The following LMO7 variants were observed in gnomAD, a reference collection of about 807,000 sequenced individuals.
LMO7 encodes the protein LIM domain only protein 7.
A neutral mutation model predicts 206.5 loss-of-function variants in LMO7; 120 were observed. That is an observed-to-expected ratio of 0.58 (90% CI 0.50 to 0.68). The LOEUF (loss-of-function observed/expected upper bound fraction) is 0.68. LMO7 is among the 30% of genes least tolerant of loss of function. The pLI, the probability that LMO7 is intolerant of heterozygous loss-of-function variation, is 0.00. For missense variants in LMO7, 1,959 were observed against 1,957.9 expected, an observed-to-expected ratio of 1.00 and a Z score of -0.01; for synonymous variants, 706 against 681.5, an observed-to-expected ratio of 1.04 and a Z score of -0.56.
chr13:75,849,328 A>C (rs1293795245), intron 27 of LMO7, 36 bp downstream of exon 27: 2 of 1,475,426 alleles, frequency 1.4e-6, no homozygotes, highest in East Asian at 4.5e-5. Context: ...TCTTGTCTTT[A>C]CTGTGAGGCA....
chr13:75,856,878 G>A (rs2061006337), intron 30 of LMO7: 1 of 278,920 alleles, frequency 3.6e-6, no homozygotes, highest in Non-Finnish European at 6.8e-6. Context: ...TATCTGCCCA[G>A]AGTCCGCAGA....
chr13:75,766,614 A>G (rs1329018578), intron 4 of LMO7, among the ~76,000 whole-genome samples: 1 of 152,210 alleles, frequency 6.6e-6, no homozygotes. Context: ...ATAAATGCAC[A>G]GATTTCTCTG....
At position 75,842,926 on chromosome 13, in the gene LMO7, G is replaced by T. The variant is rs2059667765; in HGVS notation, c.4097+10G>T. The T allele has an allele frequency of 6.5e-7, 1 of 1,539,510 alleles. No homozygotes were observed. The highest frequency in any genetic ancestry group is 1.7e-4 in the Middle Eastern group (1 of 5,916). On this transcript the variant is annotated intron_variant, in intron 25 of 30. Transcript: ENST00000377534. ...TTCTTCCTGGTGACAGGTATGTAGA[G>T]CATGTTATTGTAATTTAATTGATGA... is the stretch of plus-strand genomic sequence containing the variant.
intron 4 of LMO7, among the ~76,000 whole-genome samples, chr13:75,775,099 T>C (rs1267771357): frequency 1.3e-5 from 2 of 152,144 alleles, no homozygotes; most frequent in Non-Finnish European, 2.9e-5. Context: ...TAAAACTAGC[T>C]GTTGGAATTA....
chr13:75,760,735 G>A (rs1465787427), intron 3 of LMO7, 197 bp from the exon 4 acceptor site: 2 of 1,535,370 alleles, frequency 1.3e-6, no homozygotes, highest in Non-Finnish European at 1.7e-6. Flanking sequence ...TAGCACGACT[G>A]TGTATGCTCT....
intron 2 of LMO7, among the ~76,000 whole-genome samples, chr13:75,714,402 G>C (rs1188136275): frequency 6.6e-6 from 1 of 152,140 alleles, no homozygotes; most frequent in East Asian, 1.9e-4. Context: ...GTTGCTAGAT[G>C]ATGGGCATGT....
At chr13:75,842,811 GTCT>G (rs2059659144) in intron 24 of LMO7, 37 bp from the exon 25 acceptor site, 1 of 1,274,762 alleles carries the variant, frequency 7.8e-7, no homozygotes, top group South Asian at 1.2e-5. Flanking sequence ...AGGGCTTAAA[GTCT>G]AATATTTTGA....
chr13:75,640,423 G>A (rs908884320), intron 1 of LMO7, among the ~76,000 whole-genome samples: 66 of 152,148 alleles, frequency 4.3e-4, no homozygotes, highest in African/African-American at 1.2e-3. Flanking sequence ...CCATGTTTTC[G>A]TATGAATGGA....
In LMO7 at chr13:75,855,284, C is replaced by T. The variant is rs771293211; in HGVS notation, c.4686C>T (p.Cys1562=). ...GGTCAGTCAGTGGGAAGCGCATATG[C>T]TCCTACTGCAATAACATTCTGGGCA... ...RNRSVSGKRI[C]SYCNNILGKG... is the part of the protein sequence containing the mutation. The change falls in exon 29 of 31, where the codon TGC becomes TGT. Residue 1562 remains cysteine, a synonymous_variant. Transcript: ENST00000377534. The T allele has an allele frequency of 6.8e-6, 11 of 1,613,154 alleles. No homozygotes were observed. The African/African-American group carries it at 1.3e-4, about 20-fold the overall frequency.
intron 4 of LMO7, among the ~76,000 whole-genome samples, chr13:75,764,657 T>A (rs765831179): frequency 4.6e-5 from 7 of 152,296 alleles, no homozygotes; most frequent in East Asian, 3.9e-4. Context: ...AGTCTTGTAT[T>A]TAAACCATTG....
At chr13:75,721,713 A>G (rs1288635792) in intron 2 of LMO7, among the ~76,000 whole-genome samples, 1 of 152,146 alleles carries the variant, frequency 6.6e-6, no homozygotes, top group South Asian at 2.1e-4. Context: ...TTATCCACTC[A>G]TTGATTGATG....
intron 25 of LMO7, among the ~76,000 whole-genome samples, chr13:75,844,555 G>A (rs979511549): frequency 2.0e-5 from 3 of 151,824 alleles, no homozygotes; most frequent in Non-Finnish European, 4.4e-5. Context: ...GACTACGGGC[G>A]CATGCCACCA....
intron 3 of LMO7, among the ~76,000 whole-genome samples, chr13:75,748,821 T>TA (rs2047061831): frequency 6.6e-6 from 1 of 151,522 alleles, no homozygotes. Context: ...CTTTCTTTTT[T>TA]TTTTTTTGAG....
chr13:75,815,157 G>C (rs113748367), intron 11 of LMO7, among the ~76,000 whole-genome samples: 1 of 152,172 alleles, frequency 6.6e-6, no homozygotes, highest in Non-Finnish European at 1.5e-5. Context: ...CTAGGTGGGT[G>C]ATGTGATGTG....
chr13:75,819,495 A>G lies in LMO7; in HGVS notation c.2167A>G (p.Lys723Glu), dbSNP rs762662594. 3.1e-6 allele frequency: 5 copies of G among 1,612,612 alleles called. No individual in the cohort carries two copies. In the Admixed American group the frequency reaches 6.7e-5, roughly 22 times the overall value. The stretch of plus-strand genomic sequence containing the variant: ...TGAAAAGCAGGCACTTGAGAAGTCT[A>G]AGAGAAGCTCTAAGACGTTTAAGGA... ...EIEKQALEKS[K>E]RSSKTFKEML... The change falls in exon 13 of 31, where the codon AAG becomes GAG. Residue 723 changes from lysine (K) to glutamate (E), a missense_variant. Coordinates refer to ENST00000377534, the MANE Select transcript of LMO7 (RefSeq NM_001306080.2).
At chr13:75,845,060 GTCTTCA>G (rs1173037860) in intron 25 of LMO7, among the ~76,000 whole-genome samples, 1 of 152,144 alleles carries the variant, frequency 6.6e-6, no homozygotes, top group Non-Finnish European at 1.5e-5. Context: ...ATAACTTATA[GTCTTCA>G]TCATCATACA....
intron 3 of LMO7, among the ~76,000 whole-genome samples, chr13:75,745,273 A>G (rs1047039525): frequency 6.6e-6 from 1 of 152,076 alleles, no homozygotes; most frequent in Non-Finnish European, 1.5e-5. Context: ...GGTAGGCTAC[A>G]TTTTACTTAA....
At chr13:75,703,329 T>C (rs181153508) in intron 1 of LMO7, among the ~76,000 whole-genome samples, 35 of 152,312 alleles carry the variant, frequency 2.3e-4, no homozygotes, top group Non-Finnish European at 3.8e-4. Flanking sequence ...AGCCTCCTGC[T>C]CTTGGGAGTA....
At chr13:75,681,716 A>ATG (rs376038194) in intron 1 of LMO7, among the ~76,000 whole-genome samples, 6 of 110,136 alleles carry the variant, frequency 5.4e-5, no homozygotes, top group African/African-American at 1.6e-4. Flanking sequence ...GTATATATAT[A>ATG]TGTATATATA....
Sources: gnomAD v4.1 joint callset for allele counts (sites outside exome capture counted in the v4.1 genomes callset) on GRCh38, gnomAD v4.1.1 for gene constraint, MANE v1.5 for transcripts, NCBI Gene and HGNC (gene_info 2026-07-23, HGNC 2026-07-21) for gene names.